Variants in DPP6 observed in about 807,000 individuals in gnomAD.
DPP6 encodes the protein A-type potassium channel modulatory protein DPP6.
DPP6 carries 69 observed loss-of-function variants against 122.6 expected under a neutral mutation model. The observed-to-expected ratio is 0.56, with a 90% CI of 0.46 to 0.69. The LOEUF (loss-of-function observed/expected upper bound fraction) is 0.69. Ranked by LOEUF, DPP6 falls within the 30% of genes least tolerant of loss-of-function variation. The pLI is 0.00. For synonymous variants in DPP6, 418 were observed against 433.1 expected, an observed-to-expected ratio of 0.97 and a Z score of 0.43; for missense variants, 928 against 1,116.9, an observed-to-expected ratio of 0.83 and a Z score of 2.41.
At chr7:153,885,511 A>G (rs1798878292), upstream of DPP6, among the ~76,000 whole-genome samples, 2 of 152,146 alleles carry the variant, frequency 1.3e-5, no homozygotes, top group African/African-American at 4.8e-5. Context: ...AGAAGGCGCC[A>G]TCTGTGAACC....
chr7:154,866,117 C>T (rs749424432), intron 17 of DPP6, among the ~76,000 whole-genome samples: 2 of 152,196 alleles, frequency 1.3e-5, no homozygotes, highest in African/African-American at 2.4e-5. Flanking sequence ...GGAGAAGGAG[C>T]TAGCAAGGAA....
At chr7:153,755,678 G>C in the DPP6 span, among the ~76,000 whole-genome samples, 2 of 152,112 alleles carry the variant, frequency 1.3e-5, no homozygotes, top group South Asian at 4.2e-4. Context: ...ATCCTGCTTA[G>C]GAATTGAGCA....
the DPP6 span, among the ~76,000 whole-genome samples, chr7:153,780,044 T>G: frequency 6.6e-6 from 1 of 151,306 alleles, no homozygotes; most frequent in Admixed American, 6.6e-5. Context: ...CACAGGTGCT[T>G]GGAGGAGTAC....
intron 3 of DPP6, among the ~76,000 whole-genome samples, chr7:154,518,465 A>G (rs1826712211): frequency 6.6e-6 from 1 of 152,182 alleles, no homozygotes. Context: ...GACTTTGAGA[A>G]CAAACCAGTG....
At chr7:154,030,250 C>G (rs1191221378) in intron 1 of DPP6, among the ~76,000 whole-genome samples, 12 of 152,166 alleles carry the variant, frequency 7.9e-5, no homozygotes, top group Admixed American at 5.9e-4. Flanking sequence ...TGCCCCTGAC[C>G]TATGTTTTTC....
intron 21 of DPP6, among the ~76,000 whole-genome samples, chr7:154,882,722 C>A (rs1450120409): frequency 6.6e-6 from 1 of 151,976 alleles, no homozygotes; most frequent in East Asian, 1.9e-4. Context: ...TAAACCAGAG[C>A]AGGCCGCGTG....
intron 1 of DPP6, among the ~76,000 whole-genome samples, chr7:154,141,326 G>A (rs1012400888): frequency 1.3e-4 from 20 of 152,142 alleles, no homozygotes; most frequent in Admixed American, 1.3e-3. Flanking sequence ...TGCACCTTAC[G>A]ACTCTTTTCC....
chr7:153,907,751 T>C (rs189123879), intron 1 of DPP6, among the ~76,000 whole-genome samples: 2 of 152,328 alleles, frequency 1.3e-5, no homozygotes, highest in Non-Finnish European at 2.9e-5. Context: ...TTCTCTGGGT[T>C]TCCAGCCTGC....
At chr7:154,211,417 C>T (rs1465159680) in intron 1 of DPP6, among the ~76,000 whole-genome samples, 2 of 152,160 alleles carry the variant, frequency 1.3e-5, no homozygotes, top group African/African-American at 4.8e-5. Context: ...CCCCTCACGT[C>T]CATCTCCATG....
At chr7:153,795,856 TG>T in the DPP6 span, among the ~76,000 whole-genome samples, 1 of 150,096 alleles carries the variant, frequency 6.7e-6, no homozygotes, top group African/African-American at 2.4e-5. Context: ...TTGCATTTTT[TG>T]TTTCTTCTTT....
chr7:154,189,382 G>A (rs1201386572), intron 1 of DPP6, among the ~76,000 whole-genome samples: 2 of 152,112 alleles, frequency 1.3e-5, no homozygotes, highest in African/African-American at 4.8e-5. Context: ...GTAGTGTTTG[G>A]GGGTGAAGAT....
chr7:154,428,519 G>T (rs1818092345), intron 1 of DPP6, among the ~76,000 whole-genome samples: 1 of 152,134 alleles, frequency 6.6e-6, no homozygotes, highest in African/African-American at 2.4e-5. Context: ...AGGAAGAGAA[G>T]TCGTTATATC....
chr7:153,947,685 C>T (rs77796923), intron 1 of DPP6, among the ~76,000 whole-genome samples: 2,662 of 152,154 alleles, frequency 0.017, 86 homozygotes, highest in African/African-American at 0.061. Context: ...CATGGGGAAG[C>T]GTGACAGGAC....
chr7:154,763,170 A>G (rs1415056181), intron 8 of DPP6, among the ~76,000 whole-genome samples: 2 of 152,192 alleles, frequency 1.3e-5, no homozygotes, highest in African/African-American at 2.4e-5. Flanking sequence ...CGTCTCTACT[A>G]AAAATACAGA....
chr7:154,124,848 G>A (rs1349484526), intron 1 of DPP6, among the ~76,000 whole-genome samples: 1 of 152,210 alleles, frequency 6.6e-6, no homozygotes, highest in Non-Finnish European at 1.5e-5. Flanking sequence ...GACACTCAGA[G>A]ACATGGCCTG....
chr7:154,500,621 A>T (rs1586466338), intron 3 of DPP6, among the ~76,000 whole-genome samples: 1 of 152,354 alleles, frequency 6.6e-6, no homozygotes, highest in East Asian at 1.9e-4. Context: ...GACCGCTGCC[A>T]TATGAGACAT....
intron 1 of DPP6, among the ~76,000 whole-genome samples, chr7:154,278,874 CATGTGTGAGT>C (rs1365858687): frequency 1.4e-5 from 2 of 145,730 alleles, no homozygotes; most frequent in African/African-American, 5.5e-5. Flanking sequence ...TGTATATGAG[CATGTGTGAGT>C]ATGTGTGTAT....
At chr7:154,091,269 G>T (rs2533636) in intron 1 of DPP6, among the ~76,000 whole-genome samples, 1 of 151,868 alleles carries the variant, frequency 6.6e-6, no homozygotes, top group Non-Finnish European at 1.5e-5. Context: ...GGAATCCTCC[G>T]CCTCCCCTGC....
Position 154,574,972 on chromosome 7 carries a change from G to A in DPP6, c.627+8056G>A, listed in dbSNP as rs900193747. Among the ~76,000 whole-genome samples, 948 of 145,776 alleles carry A rather than the reference G, an allele frequency of 6.5e-3. 13 individuals carry two copies. Among genetic ancestry groups the A allele is most frequent in the African/African-American group, 0.021 (824 of 39,150 alleles). On this transcript the variant is annotated intron_variant, in intron 5 of 25. Transcript: ENST00000377770. ...TGTGATGTGTGTTTTTGTGTGGTGT[G>A]TGGTGTGCTGTGTGTGTATATGTGT...
Sources: gnomAD v4.1 joint callset for allele counts (sites outside exome capture counted in the v4.1 genomes callset) on GRCh38, gnomAD v4.1.1 for gene constraint, MANE v1.5 for transcripts, NCBI Gene and HGNC (gene_info 2026-07-23, HGNC 2026-07-21) for gene names.